The following SLC47A2 variants were observed in gnomAD, a reference collection of about 807,000 sequenced individuals.
The protein encoded by SLC47A2 is solute carrier family 47 member 2, also known as multidrug and toxin extrusion protein 2.
A neutral mutation model predicts 67.7 loss-of-function variants in SLC47A2; 52 were observed. The ratio of observed to expected loss-of-function variants is 0.77; its 90% CI spans 0.61 to 0.97. SLC47A2 has a LOEUF of 0.97. Ranked by LOEUF, SLC47A2 falls within the 50% of genes least tolerant of loss-of-function variation. The pLI is 0.00. For synonymous variants in SLC47A2, 278 were observed against 292.9 expected, an observed-to-expected ratio of 0.95 and a Z score of 0.52; for missense variants, 676 against 712.3, an observed-to-expected ratio of 0.95 and a Z score of 0.58.
chr17:19,705,300 C>T (rs546359781), intron 10 of SLC47A2, 136 bp downstream of exon 10: 97 of 853,832 alleles, frequency 1.1e-4, no homozygotes, highest in East Asian at 5.6e-4. Flanking sequence ...AGGGTCTGGA[C>T]CTGGTGGGCA....
chr17:19,718,967 G>C (rs1298575710), upstream of SLC47A2: 1 of 152,290 alleles, frequency 6.6e-6, no homozygotes, highest in Non-Finnish European at 1.5e-5. Flanking sequence ...GATACTTTGA[G>C]CGGAGCTGCA....
chr17:19,706,678 AC>A lies in SLC47A2; in HGVS notation c.810del (p.Trp270CysfsTer31). 6.2e-7 allele frequency: 1 copy of A among 1,608,718 alleles called. No individual in the cohort carries two copies. The highest frequency in any genetic ancestry group is 1.1e-5 in the South Asian group (1 of 90,620). On this transcript the variant is annotated frameshift_variant, in exon 9 of 17. Coordinates refer to ENST00000433844, the MANE Select transcript of SLC47A2 (RefSeq NM_001099646.3). LOFTEE classifies it high-confidence loss of function. ...VPSMLMICVE[W>X]WAYEIGSFLM... ...AGGAAGCTCCCGATCTCATAGGCCC[AC>A]CACTCAACACAGATCATGAGCATGC...
chr17:19,692,286 C>CT, intron 13 of SLC47A2: 1 of 432,672 alleles, frequency 2.3e-6, no homozygotes, highest in Non-Finnish European at 4.5e-6. Flanking sequence ...TACCAAGGAT[C>CT]TGATCTTGGT....
chr17:19,693,076 AGCCCAGATTAC>A (rs1317788755), intron 13 of SLC47A2, among the ~76,000 whole-genome samples: 1 of 152,094 alleles, frequency 6.6e-6, no homozygotes, highest in East Asian at 1.9e-4. Flanking sequence ...GATTGCAGTA[AGCCCAGATTAC>A]GCCACTGCAC....
At chr17:19,695,727 CTT>C (rs879507702) in intron 13 of SLC47A2, among the ~76,000 whole-genome samples, 15 of 141,570 alleles carry the variant, frequency 1.1e-4, no homozygotes, top group Admixed American at 2.1e-4. Flanking sequence ...ACTGAAATTC[CTT>C]TTTTTTTTTT....
chr17:19,684,695 CA>C (rs754988040), intron 13 of SLC47A2, among the ~76,000 whole-genome samples: 1,664 of 63,374 alleles, frequency 0.026, 15 homozygotes, highest in East Asian at 0.079. Context: ...ACTCTTTCTA[CA>C]AAAAAAAAAA....
chr17:19,712,840 G>T, intron 4 of SLC47A2, 95 bp from the exon 5 acceptor site: 1 of 1,194,232 alleles, frequency 8.4e-7, no homozygotes, highest in Non-Finnish European at 1.2e-6. Flanking sequence ...GTGCTCGGCC[G>T]CTGTCCCAGG....
At chr17:19,703,631 C>A (rs2085847834) in intron 11 of SLC47A2, among the ~76,000 whole-genome samples, 1 of 152,228 alleles carries the variant, frequency 6.6e-6, no homozygotes, top group Admixed American at 6.5e-5. Flanking sequence ...TGTCAGAGGA[C>A]ATGAGTGGCT....
chr17:19,715,334 C>T (rs902622050), intron 1 of SLC47A2, 117 bp from the exon 2 acceptor site: 28 of 838,026 alleles, frequency 3.3e-5, no homozygotes, highest in African/African-American at 2.9e-4. Context: ...AGGTCACCTA[C>T]GCCTGGGGAA....
chr17:19,696,021 G>T (rs1295524635), intron 13 of SLC47A2, among the ~76,000 whole-genome samples: 1 of 151,134 alleles, frequency 6.6e-6, no homozygotes, highest in Non-Finnish European at 1.5e-5. Flanking sequence ...ACTGTGTCTG[G>T]CCAAAAGATG....
chr17:19,706,591 T>C (rs768770611), intron 9 of SLC47A2, 57 bp downstream of exon 9: 5 of 1,430,986 alleles, frequency 3.5e-6, no homozygotes, highest in Non-Finnish European at 4.7e-6. Context: ...GGGAGGGGGC[T>C]TCTGGGCTGG....
chr17:19,715,573 A>C (rs2086231944), intron 1 of SLC47A2, among the ~76,000 whole-genome samples: 1 of 152,190 alleles, frequency 6.6e-6, no homozygotes, highest in South Asian at 2.1e-4. Context: ...TAAATACACC[A>C]AAATCTTAGT....
rs1214176345 is a variant in SLC47A2, at chr17:19,713,883, G to C, written c.385C>G (p.Leu129Val). 1.2e-6 allele frequency: 2 copies of C among 1,613,726 alleles called. No individual in the cohort carries two copies. The highest frequency in any genetic ancestry group is 1.7e-5 in the Admixed American group (1 of 60,010). ...LLLCCLPCWA[L>V]FLNTQHILLL... is the part of the protein sequence containing the mutation. The stretch of plus-strand genomic sequence containing the variant: ...AGGATGTGCTGGGTGTTGAGGAAGA[G>C]CGCCCAGCAAGGGAGGCAGCAGAGG... The change falls in exon 4 of 17, where the codon CTC becomes GTC. Residue 129 changes from leucine to valine, a missense_variant. Transcript: ENST00000433844.
intron 13 of SLC47A2, among the ~76,000 whole-genome samples, chr17:19,682,088 G>A (rs528681018): frequency 1.3e-5 from 2 of 152,110 alleles, no homozygotes; most frequent in African/African-American, 4.8e-5. Flanking sequence ...AATTTGGGCC[G>A]GGCATGGTGG....
At chr17:19,679,245 T>C (rs893141600) in intron 16 of SLC47A2, among the ~76,000 whole-genome samples, 4 of 152,252 alleles carry the variant, frequency 2.6e-5, no homozygotes, top group Admixed American at 6.5e-5. Context: ...CCGTATTCTC[T>C]CATGACAACT....
chr17:19,716,828 G>C, upstream of SLC47A2: 1 of 441,122 alleles, frequency 2.3e-6, no homozygotes, highest in South Asian at 3.7e-5. Flanking sequence ...CTCCCAGAGG[G>C]ATTGGCAGTA....
chr17:19,692,798 A>G (rs2085571631), intron 13 of SLC47A2, among the ~76,000 whole-genome samples: 1 of 152,182 alleles, frequency 6.6e-6, no homozygotes, highest in South Asian at 2.1e-4. Flanking sequence ...TAGCAAACCA[A>G]ATTTAGTAAT....
At chr17:19,692,272 C>T (rs12602112) in intron 13 of SLC47A2, 96,768 of 426,770 alleles carry the variant, frequency 0.23, 11,637 homozygotes, top group East Asian at 0.37. Context: ...AATTGACCCA[C>T]GCTTACCAAG....
At chr17:19,704,532 A>G (rs1253813148) in intron 10 of SLC47A2, 35 of 1,079,342 alleles carry the variant, frequency 3.2e-5, no homozygotes, top group Non-Finnish European at 4.0e-5. Context: ...CCCTGTAAGA[A>G]AAAAGATATT....
Sources: allele counts gnomAD v4.1 joint callset (sites outside exome capture counted in the v4.1 genomes callset), GRCh38; gene constraint gnomAD v4.1.1; transcripts MANE v1.5; gene names NCBI Gene and HGNC (gene_info 2026-07-23, HGNC 2026-07-21).